The following EEFSEC variants were observed in gnomAD, a reference collection of about 807,000 sequenced individuals.
EEFSEC encodes the protein eukaryotic elongation factor, selenocysteine-tRNA specific.
In EEFSEC, 43 loss-of-function variants were observed where a neutral mutation model predicts 42.1. The observed-to-expected ratio is 1.02, with a 90% CI of 0.80 to 1.32. The LOEUF is 1.32. Ranked by LOEUF, EEFSEC falls within the 40% of genes most tolerant of loss-of-function variation. EEFSEC has a pLI of 0.00. For missense variants in EEFSEC, 745 were observed against 803.6 expected (o/e 0.93, Z 0.88); for synonymous variants, 354 against 339.1 (o/e 1.04, Z -0.48).
chr3:128,190,274 T>A (rs545303554), intron 1 of EEFSEC, among the ~76,000 whole-genome samples: 1 of 152,334 alleles, frequency 6.6e-6, no homozygotes, highest in African/African-American at 2.4e-5. Flanking sequence ...GCTCCATGCA[T>A]GTTACTGCCT....
intron 1 of EEFSEC, among the ~76,000 whole-genome samples, chr3:128,212,998 TG>T (rs1186320045): frequency 6.6e-6 from 1 of 152,210 alleles, no homozygotes; most frequent in Admixed American, 6.5e-5. Context: ...CTTCCATCCT[TG>T]GTCTCATGTT....
chr3:128,288,535 G>A (rs1224273388), intron 4 of EEFSEC, among the ~76,000 whole-genome samples: 1 of 152,176 alleles, frequency 6.6e-6, no homozygotes, highest in African/African-American at 2.4e-5. Flanking sequence ...CAGGAGTCAG[G>A]AATCCCTTGT....
chr3:128,201,840 G>T (rs2065646859), intron 1 of EEFSEC, among the ~76,000 whole-genome samples: 1 of 152,202 alleles, frequency 6.6e-6, no homozygotes, highest in Admixed American at 6.5e-5. Context: ...ATTAGCGTTT[G>T]CATTTAGTCC....
intron 1 of EEFSEC, among the ~76,000 whole-genome samples, chr3:128,179,032 G>A (rs2065378675): frequency 6.6e-6 from 1 of 152,172 alleles, no homozygotes; most frequent in Non-Finnish European, 1.5e-5. Context: ...TAAGATATTT[G>A]TTTTTACAGG....
At chr3:128,374,090 T>C (rs1365311741) in intron 6 of EEFSEC, among the ~76,000 whole-genome samples, 1 of 152,230 alleles carries the variant, frequency 6.6e-6, no homozygotes, top group Non-Finnish European at 1.5e-5. Context: ...GCAGTGCTGA[T>C]GTCTATCATT....
chr3:128,352,389 A>G (rs1410563039), intron 5 of EEFSEC, among the ~76,000 whole-genome samples: 1 of 152,136 alleles, frequency 6.6e-6, no homozygotes, highest in African/African-American at 2.4e-5. Context: ...GGTTTTGGAG[A>G]TGCAAAAATG....
At chr3:128,322,889 A>G (rs1172608891) in intron 4 of EEFSEC, among the ~76,000 whole-genome samples, 1 of 152,062 alleles carries the variant, frequency 6.6e-6, no homozygotes, top group Non-Finnish European at 1.5e-5. Context: ...ACTGACATCC[A>G]GCTGTCACTT....
At chr3:128,412,655 C>G (rs2068182098), downstream of EEFSEC, among the ~76,000 whole-genome samples, 1 of 152,270 alleles carries the variant, frequency 6.6e-6, no homozygotes, top group African/African-American at 2.4e-5. Context: ...CCCCCAGCCC[C>G]TGCTGCACCT....
At chr3:128,417,971 C>T in the EEFSEC span, among the ~76,000 whole-genome samples, 2 of 152,066 alleles carry the variant, frequency 1.3e-5, no homozygotes, top group African/African-American at 4.8e-5. This position sits in a 1 kb window ranked among gnomAD's most constrained non-coding sequence, Gnocchi z 4.3. Context: ...CCAGCCTTGC[C>T]AGCCCACCCT....
chr3:128,177,359 G>T (rs2065360439), intron 1 of EEFSEC, among the ~76,000 whole-genome samples: 1 of 151,850 alleles, frequency 6.6e-6, no homozygotes, highest in Non-Finnish European at 1.5e-5. Flanking sequence ...AGACTTGTTG[G>T]GGGTGTCCTC....
chr3:128,153,889 G>A (rs1404494926), intron 1 of EEFSEC, 66 bp downstream of exon 1: 3 of 1,434,940 alleles, frequency 2.1e-6, no homozygotes, highest in Non-Finnish European at 2.7e-6. Flanking sequence ...CCCCGTGTCC[G>A]AATTCGCTCG....
chr3:128,158,824 G>C (rs1944424293), intron 1 of EEFSEC, among the ~76,000 whole-genome samples: 1 of 152,210 alleles, frequency 6.6e-6, no homozygotes, highest in African/African-American at 2.4e-5. Flanking sequence ...TTGTAGAGAA[G>C]CTCTTCATAT....
chr3:128,257,835 TC>T (rs200262480), intron 2 of EEFSEC, among the ~76,000 whole-genome samples: 6 of 151,264 alleles, frequency 4.0e-5, no homozygotes, highest in African/African-American at 9.7e-5. Flanking sequence ...CGTCAAGCTG[TC>T]CCCCCCCAGC....
At chr3:128,410,921 A>G (rs1217284609), downstream of EEFSEC, among the ~76,000 whole-genome samples, 1 of 152,130 alleles carries the variant, frequency 6.6e-6, no homozygotes, top group Non-Finnish European at 1.5e-5. Flanking sequence ...GGAGGAACTG[A>G]GGCACAGAGG....
At chr3:128,414,303 A>G in the EEFSEC span, among the ~76,000 whole-genome samples, 1 of 151,804 alleles carries the variant, frequency 6.6e-6, no homozygotes, top group Non-Finnish European at 1.5e-5. Context: ...CCAAGCTTCC[A>G]CCCTGGGCCT....
intron 4 of EEFSEC, among the ~76,000 whole-genome samples, chr3:128,296,592 A>G (rs1251727561): frequency 6.6e-6 from 1 of 152,112 alleles, no homozygotes; most frequent in Non-Finnish European, 1.5e-5. Context: ...CGTCATCCGC[A>G]CAGGGGTATA....
At chr3:128,326,279 G>A (rs560896388) in intron 4 of EEFSEC, among the ~76,000 whole-genome samples, 1 of 152,354 alleles carries the variant, frequency 6.6e-6, no homozygotes, top group East Asian at 1.9e-4. Context: ...TCTGGCTGCT[G>A]GGCCAGGCAC....
intron 6 of EEFSEC, among the ~76,000 whole-genome samples, chr3:128,369,592 A>G (rs1242553492): frequency 6.6e-6 from 1 of 152,244 alleles, no homozygotes; most frequent in African/African-American, 2.4e-5. Context: ...GGATGTGGGT[A>G]GCAGGGTACC....
At chr3:128,189,700 G>A (rs979202658) in intron 1 of EEFSEC, among the ~76,000 whole-genome samples, 1 of 151,690 alleles carries the variant, frequency 6.6e-6, no homozygotes, top group Non-Finnish European at 1.5e-5. Context: ...TGGGACTAAG[G>A]TCCTCACCAC....
Sources: allele counts gnomAD v4.1 joint callset (sites outside exome capture counted in the v4.1 genomes callset), GRCh38; gene constraint gnomAD v4.1.1; non-coding constraint Gnocchi (gnomAD v3.1); transcripts MANE v1.5; gene names NCBI Gene and HGNC (gene_info 2026-07-23, HGNC 2026-07-21).